Variants in ASCC1 observed in about 807,000 individuals in gnomAD.
ASCC1 encodes activating signal cointegrator 1 complex subunit 1.
Under a neutral mutation model 46.6 loss-of-function variants are expected in ASCC1, and 35 were observed. The observed-to-expected ratio is 0.75, with a 90% CI of 0.57 to 0.99. The LOEUF (loss-of-function observed/expected upper bound fraction) is 0.99, where lower values mean the gene tolerates loss of function less well. Ranked by LOEUF, ASCC1 falls within the 50% of genes least tolerant of loss-of-function variation. The pLI is 0.00. For synonymous variants in ASCC1, 143 were observed against 146.6 expected (o/e 0.98, Z 0.18); for missense variants, 376 against 428.7 (o/e 0.88, Z 1.09).
chr10:72,104,686 C>T (rs1305353750), intron 9 of ASCC1, among the ~76,000 whole-genome samples: 1 of 152,132 alleles, frequency 6.6e-6, no homozygotes, highest in Non-Finnish European at 1.5e-5. Context: ...GACACGCACA[C>T]ACATACAGCC....
chr10:72,140,902 C>G (rs1846886315), intron 7 of ASCC1, among the ~76,000 whole-genome samples: 1 of 152,148 alleles, frequency 6.6e-6, no homozygotes, highest in South Asian at 2.1e-4. Flanking sequence ...TTAATGTCCT[C>G]TTTCTGTCCC....
intron 9 of ASCC1, among the ~76,000 whole-genome samples, chr10:72,097,857 G>C (rs532152621): frequency 6.6e-6 from 1 of 152,194 alleles, no homozygotes; most frequent in Admixed American, 6.5e-5. Flanking sequence ...TGTTGCACCA[G>C]GGTTAAATTT....
chr10:72,163,991 C>T, intron 5 of ASCC1, among the ~76,000 whole-genome samples: 1 of 151,984 alleles, frequency 6.6e-6, no homozygotes. Flanking sequence ...GTGATGGAGT[C>T]TTGCTCTGTC....
At chr10:72,152,742 G>T in intron 7 of ASCC1, 127 bp downstream of exon 7, 1 of 1,137,786 alleles carries the variant, frequency 8.8e-7, no homozygotes, top group Non-Finnish European at 1.2e-6. Context: ...TAAAAAAAAA[G>T]AGAGAGAAAT....
At chr10:72,103,902 A>G (rs1842070123) in intron 9 of ASCC1, among the ~76,000 whole-genome samples, 1 of 151,978 alleles carries the variant, frequency 6.6e-6, no homozygotes, top group South Asian at 2.1e-4. Context: ...TACTTACAAA[A>G]CCTTTATCAA....
intron 9 of ASCC1, among the ~76,000 whole-genome samples, chr10:72,099,388 C>T (rs1841455579): frequency 6.6e-6 from 1 of 152,212 alleles, no homozygotes; most frequent in African/African-American, 2.4e-5. Flanking sequence ...TCCACTAAGG[C>T]AAGAGCAGGC....
rs572534773 is a variant in ASCC1, at chr10:72,174,973, G to A, written c.490-13299C>T. Among the ~76,000 whole-genome samples the A allele has an allele frequency of 4.1e-4, 62 of 152,258 alleles. 1 individual carries two copies. The Middle Eastern group carries it at 0.01, about 25-fold the overall frequency. Reference sequence around the variant, plus strand: ...TTCACTTTCTGATATTCTATGCAAAGAAAAAGAGAAAATATGCATGCTTCC... The same window carrying A: ...TTCACTTTCTGATATTCTATGCAAAAAAAAAGAGAAAATATGCATGCTTCC... On this transcript the variant is annotated intron_variant, in intron 5 of 9. Coordinates refer to ENST00000672957, the MANE Select transcript of ASCC1 (RefSeq NM_001198800.3).
intron 7 of ASCC1, among the ~76,000 whole-genome samples, chr10:72,151,947 CCAAGG>C (rs998752645): frequency 6.6e-6 from 1 of 151,666 alleles, no homozygotes; most frequent in African/African-American, 2.4e-5. Context: ...CCTCAGTCTC[CCAAGG>C]CACTGGGATT....
At chr10:72,168,452 G>T (rs548078631) in intron 5 of ASCC1, among the ~76,000 whole-genome samples, 5 of 152,298 alleles carry the variant, frequency 3.3e-5, no homozygotes, top group Non-Finnish European at 7.4e-5. Flanking sequence ...TAGGGACACA[G>T]GCACTTTCAT....
At chr10:72,206,796 T>C (rs1857282855) in intron 3 of ASCC1, among the ~76,000 whole-genome samples, 1 of 152,086 alleles carries the variant, frequency 6.6e-6, no homozygotes, top group African/African-American at 2.4e-5. Flanking sequence ...TTGTTTTGGA[T>C]TAAATAAAGG....
chr10:72,191,346 T>C (rs1854469256), intron 5 of ASCC1, among the ~76,000 whole-genome samples: 1 of 151,784 alleles, frequency 6.6e-6, no homozygotes, highest in Non-Finnish European at 1.5e-5. Context: ...ATTACAGGCA[T>C]GAGCCACCGC....
intron 3 of ASCC1, among the ~76,000 whole-genome samples, chr10:72,206,365 T>C (rs747103838): frequency 7.9e-5 from 12 of 151,694 alleles, no homozygotes; most frequent in Non-Finnish European, 1.5e-4. Flanking sequence ...GATCATGCCA[T>C]TGCACTCCAG....
At chr10:72,197,268 G>T (rs1277071914) in intron 4 of ASCC1, among the ~76,000 whole-genome samples, 2 of 151,666 alleles carry the variant, frequency 1.3e-5, no homozygotes, top group African/African-American at 4.8e-5. Context: ...TCAGGAGATC[G>T]AGACCATCCT....
chr10:72,190,544 C>T lies in ASCC1; in HGVS notation c.489+6267G>A, dbSNP rs1007814425. The T allele has an allele frequency of 5.4e-6, 8 of 1,480,496 alleles. No individual in the cohort carries two copies. The African/African-American group carries it at 5.6e-5, about 10-fold the overall frequency. 91.7% of individuals were successfully genotyped at this position (1,480,496 alleles called of 1,614,324 possible). On this transcript the variant is annotated intron_variant, in intron 5 of 9. Coordinates refer to ENST00000672957, the MANE Select transcript of ASCC1 (RefSeq NM_001198800.3). ...TTCTCGCAGGGCAGCTTGGAGAAGG[C>T]GCAATACTCTCCAGCTCCACCATTA...
At chr10:72,197,906 AAAATAAAT>A (rs201913206) in intron 4 of ASCC1, among the ~76,000 whole-genome samples, 36 of 140,012 alleles carry the variant, frequency 2.6e-4, no homozygotes, top group African/African-American at 5.2e-4. Flanking sequence ...ACCCTGTCTC[AAAATAAAT>A]AAATAAATAA....
intron 4 of ASCC1, 26 bp from the exon 5 acceptor site, chr10:72,197,015 C>T: frequency 6.2e-7 from 1 of 1,612,468 alleles, no homozygotes; most frequent in South Asian, 1.1e-5. Context: ...AAAGGGTAAA[C>T]TGCTCAAGGA....
At chr10:72,114,121 C>T (rs773232494) in intron 9 of ASCC1, among the ~76,000 whole-genome samples, 1 of 152,062 alleles carries the variant, frequency 6.6e-6, no homozygotes, top group African/African-American at 2.4e-5. Flanking sequence ...TAGAGAAGCA[C>T]AGAATTAATT....
intron 8 of ASCC1, among the ~76,000 whole-genome samples, chr10:72,130,122 T>G (rs1409354089): frequency 6.6e-6 from 1 of 152,098 alleles, no homozygotes; most frequent in African/African-American, 2.4e-5. Flanking sequence ...ACAGCATGAT[T>G]CTGTTTATAT....
In ASCC1 at chr10:72,210,807, G is replaced by A. The variant is rs757696587; in HGVS notation, c.137C>T (p.Pro46Leu). ...CTGCTCCACCTCGTAGGCATCACAG[G>A]GCTCATCAGCACACTCCATGGAGCC... ...YQGSMECADE[P>L]CDAYEVEQTP... Residue 46 changes from proline to leucine, a missense_variant, in exon 3 of 10, where the codon CCC becomes CTC. Physicochemically the swap from Pro to Leu is moderately conservative, Grantham distance 98 (BLOSUM62 -3). Coordinates refer to ENST00000672957, the MANE Select transcript of ASCC1 (RefSeq NM_001198800.3). 6.2e-7 allele frequency: 1 copy of A among 1,613,892 alleles called. No individual in the cohort carries two copies. The highest frequency in any genetic ancestry group is 8.5e-7 in the Non-Finnish European group (1 of 1,179,974).
Sources: allele counts gnomAD v4.1 joint callset (sites outside exome capture counted in the v4.1 genomes callset), GRCh38; gene constraint gnomAD v4.1.1; transcripts MANE v1.5; gene names NCBI Gene and HGNC (gene_info 2026-07-23, HGNC 2026-07-21).